Variants in RIMS1 observed in about 807,000 individuals in gnomAD.
RIMS1 encodes regulating synaptic membrane exocytosis 1.
In RIMS1, 83 loss-of-function variants were observed where a neutral mutation model predicts 214.1. The observed-to-expected ratio is 0.39, with a 90% CI of 0.32 to 0.47. The LOEUF (loss-of-function observed/expected upper bound fraction) is 0.47. RIMS1 is among the 20% of genes least tolerant of loss of function. The probability of loss-of-function intolerance (pLI) is 0.99; values close to 1 mark genes in which losing one functional copy is unlikely to be tolerated. For synonymous variants in RIMS1, 793 were observed against 786.8 expected, an observed-to-expected ratio of 1.01 and a Z score of -0.13; for missense variants, 2,050 against 2,161.8, an observed-to-expected ratio of 0.95 and a Z score of 1.03.
chr6:71,904,936 C>G (rs1029483699), intron 1 of RIMS1, among the ~76,000 whole-genome samples: 3 of 152,042 alleles, frequency 2.0e-5, no homozygotes, highest in African/African-American at 7.2e-5. Flanking sequence ...TTCATGAAAT[C>G]GTTAGCTCTA....
intron 29 of RIMS1, among the ~76,000 whole-genome samples, chr6:72,378,429 C>A (rs1332083146): frequency 6.6e-6 from 1 of 152,164 alleles, no homozygotes; most frequent in East Asian, 1.9e-4. Flanking sequence ...TTCTTTGTGA[C>A]CTAAAACCCT....
intron 29 of RIMS1, 129 bp downstream of exon 29, chr6:72,333,964 T>A (rs1480573993): frequency 1.3e-5 from 9 of 698,660 alleles, no homozygotes; most frequent in Non-Finnish European, 2.2e-5. Context: ...TTTATTTTTC[T>A]GTCTCTGAAA....
At chr6:72,192,436 C>T (rs1181475951) in intron 6 of RIMS1, among the ~76,000 whole-genome samples, 1 of 152,288 alleles carries the variant, frequency 6.6e-6, no homozygotes, top group South Asian at 2.1e-4. Context: ...GCTTTCCCTT[C>T]ATTCAATGGG....
intron 4 of RIMS1, among the ~76,000 whole-genome samples, chr6:72,160,825 G>A (rs577881634): frequency 7.1e-6 from 1 of 140,712 alleles, no homozygotes; most frequent in African/African-American, 2.5e-5. Flanking sequence ...GTTCATCAGG[G>A]ATATTGGTCT....
chr6:72,354,460 A>G (rs76011316), intron 29 of RIMS1, among the ~76,000 whole-genome samples: 1,889 of 152,300 alleles, frequency 0.012, 22 homozygotes, highest in African/African-American at 0.029. Flanking sequence ...TAACCTACTC[A>G]TGTATTTGCT....
intron 31 of RIMS1, among the ~76,000 whole-genome samples, chr6:72,395,471 T>C (rs2098762931): frequency 6.6e-6 from 1 of 152,060 alleles, no homozygotes; most frequent in Non-Finnish European, 1.5e-5. Flanking sequence ...GTAGAAATTA[T>C]AGAATTGAAA....
chr6:72,129,419 C>T (rs1057213111), intron 4 of RIMS1, among the ~76,000 whole-genome samples: 2 of 152,032 alleles, frequency 1.3e-5, no homozygotes, highest in African/African-American at 4.8e-5. Context: ...GAGTTGCAGT[C>T]CTGTCACCTG....
chr6:72,216,403 C>T (rs1388569960), intron 6 of RIMS1: 1 of 980,516 alleles, frequency 1.0e-6, no homozygotes, highest in Non-Finnish European at 1.2e-6. Context: ...CTTTTGCCCT[C>T]TGGAGATGAG....
intron 4 of RIMS1, among the ~76,000 whole-genome samples, chr6:72,171,313 T>TATAC (rs2046992215): frequency 6.7e-6 from 1 of 149,580 alleles, no homozygotes; most frequent in Admixed American, 6.7e-5. Context: ...ACCTAATACA[T>TATAC]ATACATACAT....
chr6:72,346,679 A>G (rs1431394428), intron 29 of RIMS1, among the ~76,000 whole-genome samples: 2 of 151,754 alleles, frequency 1.3e-5, no homozygotes, highest in African/African-American at 4.8e-5. Context: ...AGGGCCCATG[A>G]GAGAATAAAT....
At chr6:72,052,646 A>G (rs937178923) in intron 2 of RIMS1, among the ~76,000 whole-genome samples, 5 of 152,216 alleles carry the variant, frequency 3.3e-5, no homozygotes, top group African/African-American at 1.2e-4. Flanking sequence ...TGGGCAAATC[A>G]TTTAATCTCA....
chr6:72,005,884 A>G (rs1807366954), intron 2 of RIMS1, among the ~76,000 whole-genome samples: 1 of 152,250 alleles, frequency 6.6e-6, no homozygotes, highest in Non-Finnish European at 1.5e-5. Flanking sequence ...TCAATGTAAC[A>G]CAACATATAG....
At chr6:72,300,368 A>G (rs934822764) in intron 26 of RIMS1, among the ~76,000 whole-genome samples, 2 of 151,820 alleles carry the variant, frequency 1.3e-5, no homozygotes, top group Admixed American at 1.3e-4. Flanking sequence ...CTAAAGTTGT[A>G]TATGTTCCCC....
intron 2 of RIMS1, among the ~76,000 whole-genome samples, chr6:72,000,636 G>A (rs1342948740): frequency 6.6e-6 from 1 of 152,140 alleles, no homozygotes; most frequent in Non-Finnish European, 1.5e-5. Flanking sequence ...AGGGAGGGCT[G>A]CTTCTAAAGT....
At chr6:72,115,837 C>CT (rs1041534725) in intron 4 of RIMS1, among the ~76,000 whole-genome samples, 5 of 151,346 alleles carry the variant, frequency 3.3e-5, no homozygotes, top group Admixed American at 6.6e-5. Context: ...TTGAACCCAG[C>CT]TTTTTTTTGC....
chr6:72,206,832 T>C (rs556320821), intron 6 of RIMS1, among the ~76,000 whole-genome samples: 17 of 152,334 alleles, frequency 1.1e-4, no homozygotes, highest in Middle Eastern at 3.4e-3. Context: ...GCAGCGACAG[T>C]AGCCTCTACC....
chr6:72,015,213 G>C (rs78699232), intron 2 of RIMS1, among the ~76,000 whole-genome samples: 1 of 152,142 alleles, frequency 6.6e-6, no homozygotes, highest in East Asian at 1.9e-4. Context: ...ACAAAGTTTT[G>C]CCTGCGTTTT....
At chr6:72,131,736 A>G (rs919675744) in intron 4 of RIMS1, among the ~76,000 whole-genome samples, 2 of 152,134 alleles carry the variant, frequency 1.3e-5, no homozygotes, top group Non-Finnish European at 2.9e-5. Context: ...GTCTGACCAA[A>G]ATTTATTAGG....
intron 4 of RIMS1, among the ~76,000 whole-genome samples, chr6:72,137,863 A>G (rs916986935): frequency 6.6e-6 from 1 of 150,524 alleles, no homozygotes; most frequent in South Asian, 2.1e-4. Context: ...CACCCTCCCG[A>G]GTAACTGGGA....
Sources: allele counts gnomAD v4.1 joint callset (sites outside exome capture counted in the v4.1 genomes callset), GRCh38; gene constraint gnomAD v4.1.1; transcripts MANE v1.5; gene names NCBI Gene and HGNC (gene_info 2026-07-23, HGNC 2026-07-21).